TSHZ1: variants seen among roughly 807,000 people sequenced by gnomAD.
TSHZ1 encodes teashirt homolog 1.
TSHZ1 carries 12 observed loss-of-function variants against 67.1 expected under a neutral mutation model. The observed-to-expected ratio is 0.18, with a 90% CI of 0.11 to 0.29. The LOEUF (loss-of-function observed/expected upper bound fraction) is 0.29. Among genes scored for constraint, TSHZ1 ranks in the 10% least tolerant of loss-of-function variants. The pLI, the probability that TSHZ1 is intolerant of heterozygous loss-of-function variation, is 1.00. For missense variants in TSHZ1, 1,305 were observed against 1,413.9 expected (o/e 0.92, Z 1.23); for synonymous variants, 632 against 622.4 (o/e 1.02, Z -0.23).
chr18:75,257,929 G>A (rs1056584793), intron 1 of TSHZ1, among the ~76,000 whole-genome samples: 1 of 152,184 alleles, frequency 6.6e-6, no homozygotes, highest in Non-Finnish European at 1.5e-5. Flanking sequence ...TTAGAACCGG[G>A]GCTGCACACG....
rs747822406 is a variant in TSHZ1, at chr18:75,288,456, G to A, written c.3049G>A (p.Val1017Ile). The part of the protein sequence containing the change: ...QIQEQQNVSK[V>I]LTNKTLGPLG... The stretch of plus-strand genomic sequence containing the variant: ...TCAAGAACAGCAGAATGTTTCGAAA[G>A]TCCTCACCAACAAAACTCTGGGCCC... The change falls in exon 2 of 2, where the codon GTC becomes ATC. Residue 1017 changes from valine to isoleucine, a missense_variant. Val to Ile is a conservative substitution (Grantham distance 29). This residue lies in a region of TSHZ1 where 909 missense variants were observed against 961.8 expected (regional missense o/e 0.95). Coordinates refer to ENST00000580243, the MANE Select transcript of TSHZ1 (RefSeq NM_001308210.2). This position sits in a 1 kb window ranked among gnomAD's most constrained non-coding sequence, Gnocchi z 4.9. 6.2e-6 allele frequency: 10 copies of A among 1,614,206 alleles called. No homozygotes were observed. Among genetic ancestry groups the A allele is most frequent in the Non-Finnish European group, 8.5e-6 (10 of 1,180,040 alleles).
At chr18:75,269,369 C>A (rs932056981) in intron 1 of TSHZ1, among the ~76,000 whole-genome samples, 1 of 152,156 alleles carries the variant, frequency 6.6e-6, no homozygotes, top group Non-Finnish European at 1.5e-5. Flanking sequence ...GTTCTGTGCT[C>A]AAGGAGACCT....
chr18:75,260,083 ACC>A (rs2023411865), intron 1 of TSHZ1, among the ~76,000 whole-genome samples: 1 of 152,078 alleles, frequency 6.6e-6, no homozygotes, highest in Non-Finnish European at 1.5e-5. Flanking sequence ...TCTTTTCCTA[ACC>A]TTGTGAATTA....
intron 1 of TSHZ1, among the ~76,000 whole-genome samples, chr18:75,212,126 GTTCGCGGTGC>G (rs1360689248): frequency 5.9e-5 from 9 of 152,170 alleles, no homozygotes; most frequent in Non-Finnish European, 1.2e-4. Flanking sequence ...AGCAGAGAAA[GTTCGCGGTGC>G]TTCTCTGCGC....
At chr18:75,285,306 G>A (rs2023737280) in intron 1 of TSHZ1, 142 bp from the exon 2 acceptor site, 1 of 1,005,518 alleles carries the variant, frequency 9.9e-7, no homozygotes, top group Non-Finnish European at 1.4e-6. Context: ...CTGCAAAGGG[G>A]TAGATATGTA....
intron 1 of TSHZ1, among the ~76,000 whole-genome samples, chr18:75,229,517 C>G (rs1438149728): frequency 6.6e-6 from 1 of 152,224 alleles, no homozygotes; most frequent in Non-Finnish European, 1.5e-5. Context: ...GCAGGGCCAT[C>G]TTGTTCTCCT....
intron 1 of TSHZ1, among the ~76,000 whole-genome samples, chr18:75,269,960 A>G (rs1485734057): frequency 2.6e-5 from 4 of 152,226 alleles, no homozygotes; most frequent in African/African-American, 9.6e-5. Flanking sequence ...GTAGCCTGTC[A>G]TAGCGGATAC....
intron 1 of TSHZ1, among the ~76,000 whole-genome samples, chr18:75,231,128 G>A (rs776574204): frequency 5.8e-4 from 89 of 152,342 alleles, no homozygotes; most frequent in Middle Eastern, 3.4e-3. Flanking sequence ...GGAACTGTGC[G>A]TGGGCCTGAC....
intron 1 of TSHZ1, among the ~76,000 whole-genome samples, chr18:75,217,155 G>T (rs1233264348): frequency 6.6e-6 from 1 of 152,264 alleles, no homozygotes; most frequent in Non-Finnish European, 1.5e-5. Flanking sequence ...GTGGGGCAAA[G>T]TGCCTTAGGC....
At chr18:75,260,349 G>A (rs1007006607) in intron 1 of TSHZ1, among the ~76,000 whole-genome samples, 6 of 152,182 alleles carry the variant, frequency 3.9e-5, no homozygotes, top group Admixed American at 3.9e-4. Flanking sequence ...ATTTTGTTGT[G>A]TATTAAAATG....
intron 1 of TSHZ1, among the ~76,000 whole-genome samples, chr18:75,217,409 A>G (rs2022784701): frequency 6.8e-6 from 1 of 148,140 alleles, no homozygotes; most frequent in Non-Finnish European, 1.5e-5. Context: ...TCTGTTTTTT[A>G]TTTTATAGAC....
chr18:75,228,016 G>A (rs2022948028), intron 1 of TSHZ1, among the ~76,000 whole-genome samples: 1 of 152,184 alleles, frequency 6.6e-6, no homozygotes, highest in Non-Finnish European at 1.5e-5. Context: ...TCGGAGTTAT[G>A]GTGTCATTTA....
At chr18:75,247,361 G>A (rs545339500) in intron 1 of TSHZ1, among the ~76,000 whole-genome samples, 1 of 152,298 alleles carries the variant, frequency 6.6e-6, no homozygotes, top group South Asian at 2.1e-4. Context: ...AGTGAGTGGA[G>A]TCCCTTTGCC....
At chr18:75,243,705 G>A (rs571306645) in intron 1 of TSHZ1, among the ~76,000 whole-genome samples, 18 of 152,290 alleles carry the variant, frequency 1.2e-4, no homozygotes, top group African/African-American at 4.3e-4. Context: ...AGAATGACAG[G>A]CACCATGTAT....
At chr18:75,252,286 G>C (rs1337201285) in intron 1 of TSHZ1, among the ~76,000 whole-genome samples, 2 of 152,098 alleles carry the variant, frequency 1.3e-5, no homozygotes, top group Admixed American at 6.5e-5. Flanking sequence ...TCATTTCCTT[G>C]ATAAATTCCC....
At position 75,211,319 on chromosome 18, in the gene TSHZ1, G is replaced by C. The variant is rs1441123557; in HGVS notation, c.-558G>C. ...ACTAAGTGCGGGGAGGAAAAGGACA[G>C]CCTGCATCGGCCTCGCTGGCGCACA... On this transcript the variant is annotated 5_prime_UTR_variant, in exon 1 of 2. Coordinates refer to ENST00000580243, the MANE Select transcript of TSHZ1 (RefSeq NM_001308210.2). The C allele has an allele frequency of 6.6e-6, 1 of 152,106 alleles. No individual in the cohort carries two copies. The highest frequency in any genetic ancestry group is 1.5e-5 in the Non-Finnish European group (1 of 68,050). The allele number at this position is 152,106 out of a possible 1,614,324, so 9.4% of individuals were successfully genotyped here.
At position 75,287,311 on chromosome 18, in the gene TSHZ1, A is replaced by G. The variant is rs1486922015; in HGVS notation, c.1904A>G (p.Asn635Ser). Residue 635 changes from asparagine (N) to serine (S), a missense_variant, in exon 2 of 2, where the codon AAC (asparagine) becomes AGC (serine). Around this residue, in one of 3 missense-constraint regions of TSHZ1, gnomAD observed 909 missense variants for 961.8 expected, o/e 0.95. Coordinates refer to ENST00000580243, the MANE Select transcript of TSHZ1 (RefSeq NM_001308210.2). This position sits in a 1 kb window ranked among gnomAD's most constrained non-coding sequence, Gnocchi z 5.0. The stretch of plus-strand genomic sequence containing the variant: ...CTCACGCCCCCACCGCACAAGAGCA[A>G]CGTGTCTGCCATGGAGGAGCTGGTG... Reference protein sequence around the residue: ...GSLTPPPHKSNVSAMEELVEK... With the variant: ...GSLTPPPHKSSVSAMEELVEK... 1.9e-6 allele frequency: 3 copies of G among 1,614,160 alleles called. No homozygotes were observed. The highest frequency in any genetic ancestry group is 2.5e-6 in the Non-Finnish European group (3 of 1,180,034).
At chr18:75,239,145 A>G (rs2023121528) in intron 1 of TSHZ1, among the ~76,000 whole-genome samples, 1 of 152,234 alleles carries the variant, frequency 6.6e-6, no homozygotes, top group African/African-American at 2.4e-5. Flanking sequence ...GCCCACATGG[A>G]CACAGGGTCC....
intron 1 of TSHZ1, among the ~76,000 whole-genome samples, chr18:75,233,812 T>G (rs2023030664): frequency 6.6e-6 from 1 of 152,176 alleles, no homozygotes; most frequent in Non-Finnish European, 1.5e-5. Context: ...TTGCAGCACC[T>G]TTTTTCTAGC....
Sources: allele counts gnomAD v4.1 joint callset (sites outside exome capture counted in the v4.1 genomes callset), GRCh38; gene constraint gnomAD v4.1.1; regional missense constraint gnomAD v4.1.1; non-coding constraint Gnocchi (gnomAD v3.1); transcripts MANE v1.5; gene names NCBI Gene and HGNC (gene_info 2026-07-23, HGNC 2026-07-21).